The following KLHL17 variants were observed in gnomAD, a reference collection of about 807,000 sequenced individuals.
The protein encoded by KLHL17 is kelch-like protein 17.
KLHL17 carries 71 observed loss-of-function variants against 64.6 expected under a neutral mutation model. That is an observed-to-expected ratio of 1.10 (90% CI 0.91 to 1.34). The LOEUF (loss-of-function observed/expected upper bound fraction) is 1.34. KLHL17 is among the 40% of genes most tolerant of loss of function. The pLI is 0.00. For missense variants in KLHL17, 1,140 were observed against 935.0 expected (o/e 1.22, Z -2.86); for synonymous variants, 612 against 405.4 (o/e 1.51, Z -6.12).
rs1280923540 is a variant in KLHL17, at chr1:961,627, A to G, written c.368-2A>G. On this transcript the variant is annotated splice_acceptor_variant, in intron 2 of 11. Transcript: ENST00000338591. LOFTEE classifies it high-confidence loss of function. ...AGCTCGTGTAACCCGCTGTCCCCGC[A>G]GATGAGATGAGCGAGAGCCGCCAGA... The G allele has an allele frequency of 6.2e-7, 1 of 1,612,636 alleles. No homozygotes were observed. The highest frequency in any genetic ancestry group is 1.3e-5 in the African/African-American group (1 of 74,948).
intron 8 of KLHL17, 34 bp from the exon 9 acceptor site, chr1:963,886 T>C (rs1244778302): frequency 1.9e-6 from 3 of 1,607,242 alleles, no homozygotes; most frequent in Non-Finnish European, 1.7e-6. Context: ...TTTCTGTCTC[T>C]GCTGAGCTGT....
chr1:965,471 G>A lies in KLHL17; in HGVS notation c.*280G>A, dbSNP rs529760731. On this transcript the variant is annotated 3_prime_UTR_variant, in exon 12 of 12. Transcript: ENST00000338591. ...ACCAGGCGGGGGCCTCACCGCCCCA[G>A]GGCCGTTGCCTGCTCAGACCTTGCA... 9.9e-6 allele frequency: 5 copies of A among 506,076 alleles called. No individual in the cohort carries two copies. The highest frequency in any genetic ancestry group is 1.9e-5 in the African/African-American group (1 of 51,372). The allele number at this position is 506,076 out of a possible 1,614,324, so 31.3% of individuals were successfully genotyped here.
At chr1:961,261 G>T (rs775756223) in intron 1 of KLHL17, 32 bp from the exon 2 acceptor site, 26 of 1,361,412 alleles carry the variant, frequency 1.9e-5, no homozygotes, top group Non-Finnish European at 2.4e-5. Context: ...CGGCTCCAGC[G>T]GGGCGAAGCC....
chr1:960,892 T>C, intron 1 of KLHL17, 92 bp downstream of exon 1: 1 of 887,172 alleles, frequency 1.1e-6, no homozygotes, highest in Non-Finnish European at 1.4e-6. Context: ...CGGGGGCCGC[T>C]TCCGAGGGCC....
In KLHL17 at chr1:965,200, C is replaced by T. The variant is rs1343767958; in HGVS notation, c.*9C>T. On this transcript the variant is annotated 3_prime_UTR_variant, in exon 12 of 12. Transcript: ENST00000338591. ...CCTCCACCAGCCTCTGACCCACCTA[C>T]CACCAGAGGCCTGCAGCCTCCCACA... The T allele has an allele frequency of 1.2e-6, 2 of 1,609,730 alleles. No individual in the cohort carries two copies. The highest frequency in any genetic ancestry group is 1.1e-5 in the South Asian group (1 of 90,922).
chr1:962,552 C>T, intron 5 of KLHL17, 81 bp downstream of exon 5: 2 of 1,565,770 alleles, frequency 1.3e-6, no homozygotes, highest in Non-Finnish European at 1.7e-6. Flanking sequence ...CCTGACCTTC[C>T]CCGAGTTCAG....
At position 964,129 on chromosome 1, in the gene KLHL17, C is replaced by T. The variant is rs369910303; in HGVS notation, c.1467C>T (p.Gly489=). ...CAGATGGGAACCTGTATGCTGTGGG[C>T]GGCTACGACAGCTCCTCACACCTGG... ...ATLDGNLYAV[G]GYDSSSHLAT... is the part of the protein sequence containing the mutation. Residue 489 remains glycine (G), a synonymous_variant, in exon 10 of 12, where the codon GGC becomes GGT. Transcript: ENST00000338591. The T allele has an allele frequency of 1.3e-4, 206 of 1,612,588 alleles. No homozygotes were observed. The highest frequency in any genetic ancestry group is 5.8e-4 in the East Asian group (26 of 44,890).
chr1:961,296 C>T lies in KLHL17; in HGVS notation c.111C>T (p.Pro37=), dbSNP rs1266295991. The T allele has an allele frequency of 6.6e-7, 1 of 1,510,800 alleles. No homozygotes were observed. The highest frequency in any genetic ancestry group is 8.8e-7 in the Non-Finnish European group (1 of 1,137,942). The allele number at this position is 1,510,800 out of a possible 1,614,324, so 93.6% of individuals were successfully genotyped here. The part of the protein sequence containing the change: ...PPPPPPQPPA[P]EAERTRPRQA... ...CTGACCCGCCCGCCTCCTGCAGCCC[C>T]GAGGCAGAGCGCACGCGGCCCCGGC... The change falls in exon 2 of 12, where the codon CCC becomes CCT. Residue 37 remains proline, a synonymous_variant. Coordinates refer to ENST00000338591, the MANE Select transcript of KLHL17 (RefSeq NM_198317.3).
In KLHL17 at chr1:961,613, C is replaced by T; in HGVS notation, c.368-16C>T. On this transcript the variant is annotated splice_polypyrimidine_tract_variant and intron_variant, in intron 2 of 11. Transcript: ENST00000338591. ...GGGTCCCTCGGGTCAGCTCGTGTAACCCGCTGTCCCCGCAGATGAGATGAG... is the reference window on the plus strand; with the variant it reads ...GGGTCCCTCGGGTCAGCTCGTGTAATCCGCTGTCCCCGCAGATGAGATGAG... 1.2e-6 allele frequency: 2 copies of T among 1,612,756 alleles called. No individual in the cohort carries two copies. Among genetic ancestry groups the T allele is most frequent in the East Asian group, 2.2e-5 (1 of 44,884 alleles).
Position 965,313 on chromosome 1 carries a change from T to G in KLHL17, c.*122T>G. 1 of 780,320 alleles carries G rather than the reference T, an allele frequency of 1.3e-6. No homozygotes were observed. The highest frequency in any genetic ancestry group is 2.5e-4 in the Middle Eastern group (1 of 3,948). The allele number at this position is 780,320 out of a possible 1,614,324, so 48.3% of individuals were successfully genotyped here. Reference sequence around the variant, plus strand: ...TCCATTCCTTCATGTCTTTATTTAGTTGTTTATTTATTTAGTTATTTATCT... The same window carrying G: ...TCCATTCCTTCATGTCTTTATTTAGGTGTTTATTTATTTAGTTATTTATCT... On this transcript the variant is annotated 3_prime_UTR_variant, in exon 12 of 12. Coordinates refer to ENST00000338591, the MANE Select transcript of KLHL17 (RefSeq NM_198317.3).
At chr1:961,069 C>T (rs938141238) in intron 1 of KLHL17, 9 of 195,524 alleles carry the variant, frequency 4.6e-5, no homozygotes, top group African/African-American at 1.4e-4. Flanking sequence ...GGACGCGGGG[C>T]TCTGTTCGCG....
chr1:965,303 CTTTATTTAGTTG>C lies in KLHL17; in HGVS notation c.*121_*132del, dbSNP rs1642900627. On this transcript the variant is annotated 3_prime_UTR_variant, in exon 12 of 12. Coordinates refer to ENST00000338591, the MANE Select transcript of KLHL17 (RefSeq NM_198317.3). ...CGTCTCTGCATCCATTCCTTCATGT[CTTTATTTAGTTG>C]TTTATTTATTTAGTTATTTATCTTA... 1.2e-6 allele frequency: 1 copy of C among 812,788 alleles called. No homozygotes were observed. 50.3% of individuals were successfully genotyped at this position (812,788 alleles called of 1,614,324 possible).
In KLHL17 at chr1:962,055, C is replaced by G; in HGVS notation, c.711+8C>G. The G allele has an allele frequency of 6.2e-7, 1 of 1,611,740 alleles. No homozygotes were observed. Among genetic ancestry groups the G allele is most frequent in the Non-Finnish European group, 8.5e-7 (1 of 1,179,316 alleles). On this transcript the variant is annotated splice_region_variant and intron_variant, in intron 4 of 11. Coordinates refer to ENST00000338591, the MANE Select transcript of KLHL17 (RefSeq NM_198317.3). Reference sequence around the variant, plus strand: ...CTGCTGCCCCTGAAACAGGTAACAGCTGGCGGGCCCAGCCCTCGCCCCCCA... The same window carrying G: ...CTGCTGCCCCTGAAACAGGTAACAGGTGGCGGGCCCAGCCCTCGCCCCCCA...
In KLHL17 at chr1:962,803, C is replaced by G; in HGVS notation, c.928C>G (p.Leu310Val). 1 of 1,610,326 alleles carries G rather than the reference C, an allele frequency of 6.2e-7. No homozygotes were observed. The highest frequency in any genetic ancestry group is 8.5e-7 in the Non-Finnish European group (1 of 1,179,562). ...GAGGCACCACCCTGACTGCAAGGAC[C>G]TCCTCATCGAGGCCCTGAAGTTCCA... ...LVRHHPDCKD[L>V]LIEALKFHLL... The change falls in exon 6 of 12, where the codon CTC (leucine) becomes GTC (valine). Residue 310 changes from leucine to valine, a missense_variant. Physicochemically the swap from Leu to Val is conservative, Grantham distance 32 (BLOSUM62 1). Transcript: ENST00000338591.
At chr1:963,693 G>A (rs555205753) in intron 8 of KLHL17, 189 bp downstream of exon 8, 63 of 836,184 alleles carry the variant, frequency 7.5e-5, no homozygotes, top group African/African-American at 3.8e-4. Flanking sequence ...TTCCTCTCTC[G>A]GGTCCTTACC....
intron 1 of KLHL17, 31 bp from the exon 2 acceptor site, chr1:961,262 G>T: frequency 7.1e-7 from 1 of 1,402,490 alleles, no homozygotes; most frequent in South Asian, 1.5e-5. Flanking sequence ...GGCTCCAGCG[G>T]GGCGAAGCCT....
At position 960,736 on chromosome 1, in the gene KLHL17, C is replaced by CCGGA; in HGVS notation, c.44_47dup (p.Glu16AspfsTer110). On this transcript the variant is annotated frameshift_variant, in exon 1 of 12. Coordinates refer to ENST00000338591, the MANE Select transcript of KLHL17 (RefSeq NM_198317.3). LOFTEE classifies it high-confidence loss of function. ...GCGCCCGGCCGGCAGGACGCAGAGC[C>CCGGA]CGGAGCACGGCAGCCCGGGGCCCGG... 7.6e-7 allele frequency: 1 copy of CCGGA among 1,310,088 alleles called. No individual in the cohort carries two copies. Among genetic ancestry groups the CCGGA allele is most frequent in the Non-Finnish European group, 9.8e-7 (1 of 1,022,082 alleles). The allele number at this position is 1,310,088 out of a possible 1,614,324, so 81.2% of individuals were successfully genotyped here.
At position 965,336 on chromosome 1, in the gene KLHL17, TCTTA is replaced by T. The variant is rs1293196946; in HGVS notation, c.*146_*149del. The T allele has an allele frequency of 5.9e-6, 4 of 680,402 alleles. No homozygotes were observed. Among genetic ancestry groups the T allele is most frequent in the East Asian group, 2.8e-5 (1 of 35,806 alleles). The allele number at this position is 680,402 out of a possible 1,614,324, so 42.1% of individuals were successfully genotyped here. ...AGTTGTTTATTTATTTAGTTATTTA[TCTTA>T]TTTATTGAGGGGTGAGGAGTGCCAC... On this transcript the variant is annotated 3_prime_UTR_variant, in exon 12 of 12. Transcript: ENST00000338591.
At chr1:963,603 G>A in intron 8 of KLHL17, 99 bp downstream of exon 8, 1 of 1,370,710 alleles carries the variant, frequency 7.3e-7, no homozygotes, top group Non-Finnish European at 9.8e-7. Context: ...GGTGTTAAAG[G>A]AGGTGATCCG....
Sources: allele counts gnomAD v4.1 joint callset, GRCh38; gene constraint gnomAD v4.1.1; transcripts MANE v1.5; gene names NCBI Gene and HGNC (gene_info 2026-07-23, HGNC 2026-07-21).